The following CCDC30 variants were observed in gnomAD, a reference collection of about 807,000 sequenced individuals.
CCDC30 encodes coiled-coil domain-containing protein 30.
In CCDC30, 70 loss-of-function variants were observed where a neutral mutation model predicts 100.2. That is an observed-to-expected ratio of 0.70 (90% CI 0.58 to 0.85). The LOEUF (loss-of-function observed/expected upper bound fraction) is 0.85, where lower values mean the gene tolerates loss of function less well. CCDC30 is among the 40% of genes least tolerant of loss of function. The pLI, the probability that CCDC30 is intolerant of heterozygous loss-of-function variation, is 0.00. For missense variants in CCDC30, 652 were observed against 771.2 expected (o/e 0.85, Z 1.83); for synonymous variants, 233 against 269.5 (o/e 0.86, Z 1.33).
At chr1:42,575,242 T>G (rs967776752) in intron 7 of CCDC30, among the ~76,000 whole-genome samples, 1 of 152,202 alleles carries the variant, frequency 6.6e-6, no homozygotes, top group Non-Finnish European at 1.5e-5. Context: ...GTGTATACAT[T>G]CACTACGTTC....
intron 10 of CCDC30, among the ~76,000 whole-genome samples, chr1:42,608,190 A>C (rs1646542101): frequency 6.6e-6 from 1 of 152,182 alleles, no homozygotes; most frequent in African/African-American, 2.4e-5. Context: ...CCTCTATATC[A>C]GGGGTCATAA....
At chr1:42,490,116 A>C in intron 3 of CCDC30, 42 bp from the exon 4 acceptor site, 1 of 732,700 alleles carries the variant, frequency 1.4e-6, no homozygotes, top group East Asian at 3.4e-5. Context: ...TTATTATACT[A>C]ATCATTTGTT....
intron 7 of CCDC30, among the ~76,000 whole-genome samples, chr1:42,573,714 A>T (rs945842612): frequency 2.0e-5 from 3 of 152,054 alleles, no homozygotes; most frequent in Admixed American, 1.3e-4. Context: ...ATAGCTTTTT[A>T]AAAATAGATA....
In CCDC30 at chr1:42,470,609, A is replaced by G. The variant is rs115382866; in HGVS notation, c.-92+6711A>G. On this transcript the variant is annotated intron_variant, in intron 1 of 16. Transcript: ENST00000668663. Reference sequence around the variant, plus strand: ...TAAATAAAATGTGCTATGTACATACAATGGAATATTATTCAATCTTAAATG... The same window carrying G: ...TAAATAAAATGTGCTATGTACATACGATGGAATATTATTCAATCTTAAATG... Among the ~76,000 whole-genome samples, 644 of 152,366 alleles carry G rather than the reference A, an allele frequency of 4.2e-3. 2 individuals carry two copies. The highest frequency in any genetic ancestry group is 0.015 in the African/African-American group (612 of 41,580).
intron 10 of CCDC30, among the ~76,000 whole-genome samples, chr1:42,602,065 C>A (rs1646414171): frequency 6.6e-6 from 1 of 151,992 alleles, no homozygotes. Context: ...AGGCTCTTGA[C>A]AGCAGAATGG....
At chr1:42,637,317 G>C in exon 12 of CCDC30, 1 of 1,586,688 alleles carries the variant, frequency 6.3e-7, no homozygotes, top group Non-Finnish European at 8.5e-7. Flanking sequence ...GTAGAACTAC[G>C]AGATAAGAGA....
chr1:42,615,197 A>T (rs1187708058), intron 11 of CCDC30, among the ~76,000 whole-genome samples: 1 of 152,162 alleles, frequency 6.6e-6, no homozygotes, highest in Non-Finnish European at 1.5e-5. Flanking sequence ...CAGGGAGATG[A>T]AGTAGCTATA....
rs1315631600 is a variant in CCDC30 at position 42,490,288 on chromosome 1, G to A, written c.241+59G>A. On this transcript the variant is annotated intron_variant, in intron 4 of 16. Transcript: ENST00000668663. ...TTAGTAGCCAAGAATGGTGGTACAC[G>A]CCTGCAGTCCCAAAGACTTGGGAGG... 1.8e-5 allele frequency: 14 copies of A among 781,726 alleles called. No homozygotes were observed. The South Asian group carries it at 2.7e-4, about 15-fold the overall frequency. 48.4% of individuals were successfully genotyped at this position (781,726 alleles called of 1,614,324 possible). A position where few individuals can be genotyped will look rare whatever the true frequency, so the allele number is the denominator to read the frequency against.
At chr1:42,526,008 CTT>C (rs561874888) in intron 6 of CCDC30, among the ~76,000 whole-genome samples, 186 of 152,166 alleles carry the variant, frequency 1.2e-3, no homozygotes, top group Non-Finnish European at 2.5e-3. Flanking sequence ...TTCTGCAGTT[CTT>C]TTCTCTGTGT....
rs1398620803 is a variant in CCDC30, at chr1:42,642,619, A to G, written c.1556+10A>G. The G allele has an allele frequency of 1.9e-6, 3 of 1,557,596 alleles. No individual in the cohort carries two copies. Among genetic ancestry groups the G allele is most frequent in the Non-Finnish European group, 2.6e-6 (3 of 1,152,632 alleles). On this transcript the variant is annotated intron_variant, in intron 13 of 16. Transcript: ENST00000668663. ...CTTCCATCCAGAGCAGGTAGGTGCC[A>G]TCCTGCCTGGGAGCCAATAAACTCC...
chr1:42,635,362 T>C (rs1647131307), intron 11 of CCDC30, among the ~76,000 whole-genome samples: 1 of 152,192 alleles, frequency 6.6e-6, no homozygotes, highest in Admixed American at 6.5e-5. Context: ...ACCCTATTTG[T>C]TTATCCACTC....
At chr1:42,572,862 G>T (rs1645761042) in intron 7 of CCDC30, among the ~76,000 whole-genome samples, 1 of 152,066 alleles carries the variant, frequency 6.6e-6, no homozygotes, top group South Asian at 2.1e-4. Flanking sequence ...CAGGTGATCT[G>T]CCCACCTCAG....
chr1:42,525,255 C>T (rs1644706770), intron 6 of CCDC30, among the ~76,000 whole-genome samples: 1 of 152,158 alleles, frequency 6.6e-6, no homozygotes. Flanking sequence ...TATTGCTCCA[C>T]TTCTGTGAAT....
At chr1:42,599,500 G>A (rs1646359585) in intron 10 of CCDC30, among the ~76,000 whole-genome samples, 1 of 152,104 alleles carries the variant, frequency 6.6e-6, no homozygotes, top group Non-Finnish European at 1.5e-5. Context: ...GACAAAAATA[G>A]CAACAAAGAA....
intron 15 of CCDC30, among the ~76,000 whole-genome samples, chr1:42,650,150 G>A (rs78952666): frequency 0.07 from 10,691 of 152,066 alleles, 671 homozygotes; most frequent in African/African-American, 0.16. Context: ...ATATTCAGCA[G>A]AAAGAACAAA....
intron 6 of CCDC30, among the ~76,000 whole-genome samples, chr1:42,533,033 A>G (rs1299490563): frequency 3.3e-5 from 5 of 152,260 alleles, no homozygotes; most frequent in Non-Finnish European, 7.3e-5. Context: ...CTGGGATTAC[A>G]GGCGTGAGCC....
Position 42,638,874 on chromosome 1 carries a change from CTAAATAAATAAA to C in CCDC30, c.1419+1509_1419+1520del, listed in dbSNP as rs568862531. On this transcript the variant is annotated intron_variant, in intron 12 of 16. Transcript: ENST00000668663. ...CTGGGGGACAAGAGCAAAACTCCAT[CTAAATAAATAAA>C]TAAATAAATAAAGAGTAAGAGAAAG... is the stretch of plus-strand genomic sequence containing the variant. 2.0e-5 allele frequency among the ~76,000 whole-genome samples: 3 copies of C among 150,812 alleles called. No individual in the cohort carries two copies. The Admixed American group carries it at 2.0e-4, about 10-fold the overall frequency.
chr1:42,586,385 C>A (rs1352161932), intron 9 of CCDC30, among the ~76,000 whole-genome samples: 3 of 152,166 alleles, frequency 2.0e-5, no homozygotes, highest in Non-Finnish European at 4.4e-5. Flanking sequence ...TGACTCACTG[C>A]AGCCCTGAAC....
At chr1:42,513,269 G>A (rs940157318) in intron 6 of CCDC30, among the ~76,000 whole-genome samples, 5 of 152,124 alleles carry the variant, frequency 3.3e-5, no homozygotes, top group African/African-American at 1.2e-4. Flanking sequence ...GGGAAAAGCT[G>A]ACCTGCAGCA....
Sources: gnomAD v4.1 joint callset for allele counts (sites outside exome capture counted in the v4.1 genomes callset) on GRCh38, gnomAD v4.1.1 for gene constraint, MANE v1.5 for transcripts, NCBI Gene and HGNC (gene_info 2026-07-23, HGNC 2026-07-21) for gene names.